The following FREM1 variants were observed in gnomAD, a reference collection of about 807,000 sequenced individuals.
FREM1 encodes FRAS1-related extracellular matrix protein 1.
A neutral mutation model predicts 210.1 loss-of-function variants in FREM1; 220 were observed. That is an observed-to-expected ratio of 1.05 (90% CI 0.94 to 1.17). The LOEUF (loss-of-function observed/expected upper bound fraction) is 1.17, where lower values mean the gene tolerates loss of function less well. FREM1 is among the 50% of genes most tolerant of loss of function. FREM1 has a pLI of 0.00. For synonymous variants in FREM1, 1,189 were observed against 980.2 expected (o/e 1.21, Z -3.98); for missense variants, 3,454 against 2,675.5 (o/e 1.29, Z -6.42).
At chr9:14,880,850 T>C (rs1244436466) in intron 1 of FREM1, among the ~76,000 whole-genome samples, 1 of 152,198 alleles carries the variant, frequency 6.6e-6, no homozygotes, top group African/African-American at 2.4e-5. Flanking sequence ...AAATATGTCA[T>C]CATGTAATTA....
chr9:14,884,058 G>A (rs972725590), intron 1 of FREM1, among the ~76,000 whole-genome samples: 1 of 152,104 alleles, frequency 6.6e-6, no homozygotes, highest in Non-Finnish European at 1.5e-5. Context: ...GCGAAACCCT[G>A]CCTCTACTAA....
chr9:14,870,133 G>A (rs998655373), intron 1 of FREM1, among the ~76,000 whole-genome samples: 1 of 152,180 alleles, frequency 6.6e-6, no homozygotes, highest in East Asian at 1.9e-4. Flanking sequence ...CCAAAGAAAG[G>A]CCTTCCATGT....
chr9:14,757,529 C>T (rs1481360796), intron 28 of FREM1, among the ~76,000 whole-genome samples: 1 of 151,622 alleles, frequency 6.6e-6, no homozygotes, highest in Non-Finnish European at 1.5e-5. Flanking sequence ...CACTCCAGCC[C>T]GGGTGATAGA....
chr9:14,873,397 G>A (rs181663415), intron 1 of FREM1, among the ~76,000 whole-genome samples: 6 of 152,196 alleles, frequency 3.9e-5, no homozygotes, highest in South Asian at 2.1e-4. Context: ...TTTAGTCTTC[G>A]GAGGGTGTAT....
At chr9:14,784,969 T>A (rs1850184303) in intron 23 of FREM1, among the ~76,000 whole-genome samples, 1 of 152,188 alleles carries the variant, frequency 6.6e-6, no homozygotes, top group Admixed American at 6.5e-5. Context: ...AAGACATAGC[T>A]CAAGAGAGTC....
At chr9:14,831,231 C>G (rs1823502058) in intron 10 of FREM1, among the ~76,000 whole-genome samples, 1 of 152,208 alleles carries the variant, frequency 6.6e-6, no homozygotes, top group Non-Finnish European at 1.5e-5. Flanking sequence ...CAGAGAACCT[C>G]AACTATCCTG....
At chr9:14,769,568 A>T (rs1847141017) in intron 27 of FREM1, among the ~76,000 whole-genome samples, 156 bp downstream of exon 27, 1 of 152,226 alleles carries the variant, frequency 6.6e-6, no homozygotes, top group Non-Finnish European at 1.5e-5. Flanking sequence ...TAATAAAAAG[A>T]AAATTCATTC....
chr9:14,822,330 C>G (rs1015907660), intron 13 of FREM1, among the ~76,000 whole-genome samples: 1 of 152,140 alleles, frequency 6.6e-6, no homozygotes, highest in African/African-American at 2.4e-5. Flanking sequence ...AAGACCTCTG[C>G]CCCACAACCT....
intron 27 of FREM1, among the ~76,000 whole-genome samples, chr9:14,761,924 A>G (rs1479675719): frequency 6.6e-6 from 1 of 152,172 alleles, no homozygotes; most frequent in Non-Finnish European, 1.5e-5. Flanking sequence ...GTTCTATTTT[A>G]TTAGTTATTA....
At chr9:14,893,879 T>C (rs1564187887) in intron 1 of FREM1, among the ~76,000 whole-genome samples, 1 of 152,204 alleles carries the variant, frequency 6.6e-6, no homozygotes, top group South Asian at 2.1e-4. Flanking sequence ...TGTGAACATA[T>C]TGGCTAAAGC....
chr9:14,797,528 G>A lies in FREM1; in HGVS notation c.3809C>T (p.Pro1270Leu), dbSNP rs1852659185. ...ILKTISVEVI[P>L]VNDEKPMLSK... ...CAGCATTGGTTTTTCATCATTAACT[G>A]GGATGACCTCTACTGAAATGGTTTT... Residue 1270 changes from proline to leucine, a missense_variant, in exon 21 of 37, where the codon CCA (proline) becomes CTA (leucine). Transcript: ENST00000380880. 1.2e-6 allele frequency: 2 copies of A among 1,610,656 alleles called. No homozygotes were observed. Among genetic ancestry groups the A allele is most frequent in the Non-Finnish European group, 1.7e-6 (2 of 1,178,192 alleles).
In FREM1 at chr9:14,868,869, C is replaced by T; in HGVS notation, c.109G>A (p.Gly37Ser). ...SINRGVRVMK[G>S]HSAFLSGDDL... Reference sequence around the variant, plus strand: ...TCTCCTGACAGGAAGGCAGAGTGGCCCTTCATCACCCTCACCCCGCGGTTG... The same window carrying T: ...TCTCCTGACAGGAAGGCAGAGTGGCTCTTCATCACCCTCACCCCGCGGTTG... The change falls in exon 2 of 37, where the codon GGC becomes AGC. Residue 37 changes from glycine (G) to serine (S), a missense_variant. Gly to Ser is a moderately conservative substitution (Grantham distance 56). Transcript: ENST00000380880. 1 of 1,607,598 alleles carries T rather than the reference C, an allele frequency of 6.2e-7. No homozygotes were observed.
chr9:14,779,133 G>T (rs1849233419), intron 24 of FREM1, among the ~76,000 whole-genome samples: 1 of 152,118 alleles, frequency 6.6e-6, no homozygotes, highest in Admixed American at 6.5e-5. Flanking sequence ...AGGAGGCTAG[G>T]TGCTCCCTCA....
At position 14,810,043 on chromosome 9, in the gene FREM1, C is replaced by T. The variant is rs73644858; in HGVS notation, c.2894-1909G>A. On this transcript the variant is annotated intron_variant, in intron 16 of 36. Transcript: ENST00000380880. ...GAAGATGAGTTTTAGCTGACAATGGCGTAGGGGCAGGGCATACGTGCCAAG... is the reference window on the plus strand; with the variant it reads ...GAAGATGAGTTTTAGCTGACAATGGTGTAGGGGCAGGGCATACGTGCCAAG... Among the ~76,000 whole-genome samples the T allele has an allele frequency of 8.5e-3, 1,295 of 152,048 alleles. 18 individuals carry two copies. The highest frequency in any genetic ancestry group is 0.029 in the African/African-American group (1,195 of 41,456).
intron 1 of FREM1, among the ~76,000 whole-genome samples, chr9:14,875,277 C>A (rs1397765113): frequency 1.3e-5 from 2 of 152,172 alleles, no homozygotes; most frequent in Non-Finnish European, 2.9e-5. Flanking sequence ...CAACTTGGTT[C>A]CATTCTCCCC....
At chr9:14,748,359 A>G in intron 31 of FREM1, 42 bp downstream of exon 31, 1 of 1,071,314 alleles carries the variant, frequency 9.3e-7, no homozygotes, top group African/African-American at 1.6e-5. Context: ...TCCTTTTAAT[A>G]TGTATTTTGC....
chr9:14,886,384 C>A (rs367920087), intron 1 of FREM1, among the ~76,000 whole-genome samples: 88 of 59,814 alleles, frequency 1.5e-3, no homozygotes, highest in East Asian at 3.9e-3. Context: ...GACTCCGACT[C>A]AAAAAAAAAA....
intron 12 of FREM1, 80 bp from the exon 13 acceptor site, chr9:14,823,407 T>C: frequency 3.9e-6 from 5 of 1,266,720 alleles, no homozygotes; most frequent in Non-Finnish European, 5.5e-6. Context: ...AGAACCATCA[T>C]GTTAATTGAT....
At chr9:14,822,725 T>A (rs1433091195) in intron 13 of FREM1, among the ~76,000 whole-genome samples, 1 of 152,122 alleles carries the variant, frequency 6.6e-6, no homozygotes, top group Admixed American at 6.5e-5. Flanking sequence ...GGGCAAAGTA[T>A]GACAGAAGGG....
Sources: gnomAD v4.1 joint callset for allele counts (sites outside exome capture counted in the v4.1 genomes callset) on GRCh38, gnomAD v4.1.1 for gene constraint, MANE v1.5 for transcripts, NCBI Gene and HGNC (gene_info 2026-07-23, HGNC 2026-07-21) for gene names.